The following SLC45A4 variants were observed in gnomAD, a reference collection of about 807,000 sequenced individuals.
SLC45A4 encodes solute carrier family 45 member 4, also known as polyamine-transporter SLC45A4.
A neutral mutation model predicts 63.7 loss-of-function variants in SLC45A4; 32 were observed. The ratio of observed to expected loss-of-function variants is 0.50; its 90% CI spans 0.38 to 0.67. The LOEUF (loss-of-function observed/expected upper bound fraction) is 0.67, where lower values mean the gene tolerates loss of function less well. Among genes scored for constraint, SLC45A4 ranks in the 30% least tolerant of loss-of-function variants. The pLI, the probability that SLC45A4 is intolerant of heterozygous loss-of-function variation, is 0.00. For missense variants in SLC45A4, 1,027 were observed against 1,157.7 expected (o/e 0.89, Z 1.64); for synonymous variants, 535 against 510.0 (o/e 1.05, Z -0.66).
chr8:141,212,308 C>T lies in SLC45A4; in HGVS notation c.2190G>A (p.Leu730=). ...TGCCTTCGCCGGCCAACGGGGAAGA[C>T]AGGCCTTTCTGCTCCTCCTTGGCCT... ...SEEAKEEQKG[L]SSPLAGEGRA... The change falls in exon 8 of 9, where the codon CTG becomes CTA. Residue 730 remains leucine, a synonymous_variant. Transcript: ENST00000517878. 1 of 1,610,542 alleles carries T rather than the reference C, an allele frequency of 6.2e-7. No individual in the cohort carries two copies. Among genetic ancestry groups the T allele is most frequent in the Non-Finnish European group, 8.5e-7 (1 of 1,177,740 alleles).
chr8:141,232,216 C>T (rs568745081), intron 2 of SLC45A4, among the ~76,000 whole-genome samples: 11 of 152,262 alleles, frequency 7.2e-5, no homozygotes, highest in Admixed American at 3.3e-4. Flanking sequence ...CACATGGGGC[C>T]GGGGAACCTC....
chr8:141,216,099 G>C (rs1199548827), intron 6 of SLC45A4, 129 bp from the exon 7 acceptor site: 6 of 827,756 alleles, frequency 7.2e-6, no homozygotes, highest in Non-Finnish European at 1.1e-5. Flanking sequence ...ACCCAGACCT[G>C]GTCAGGCAGG....
rs1010938412 is a variant in SLC45A4 at position 141,254,735 on chromosome 8, G to A, written c.-400-106C>T. ...AGCAAGCCGTGTGCCCCGAGGGCCC[G>A]ACCCAAGATCACACAGCTCTCTGCC... On this transcript the variant is annotated intron_variant, in intron 1 of 8. Transcript: ENST00000517878. The surrounding 1 kb of genome is among the most constrained non-coding windows in gnomAD (Gnocchi z 4.5). 41 of 683,708 alleles carry A rather than the reference G, an allele frequency of 6.0e-5. No individual in the cohort carries two copies. The highest frequency in any genetic ancestry group is 9.1e-5 in the Non-Finnish European group (34 of 373,510). 42.4% of individuals were successfully genotyped at this position (683,708 alleles called of 1,614,324 possible). A position where few individuals can be genotyped will look rare whatever the true frequency, so the allele number is the denominator to read the frequency against.
chr8:141,243,580 G>C (rs1446167648), intron 2 of SLC45A4, among the ~76,000 whole-genome samples: 1 of 152,166 alleles, frequency 6.6e-6, no homozygotes, highest in Non-Finnish European at 1.5e-5. Flanking sequence ...AGGAGGTCAA[G>C]GCTGCAGTGA....
At chr8:141,255,475 G>A (rs533783673) in intron 1 of SLC45A4, among the ~76,000 whole-genome samples, 5 of 152,192 alleles carry the variant, frequency 3.3e-5, no homozygotes, top group African/African-American at 1.2e-4. Flanking sequence ...CAGCACATTG[G>A]GGGGCTGAAG....
At chr8:141,274,312 T>C (rs1014817367) in intron 1 of SLC45A4, among the ~76,000 whole-genome samples, 3 of 151,784 alleles carry the variant, frequency 2.0e-5, no homozygotes, top group African/African-American at 7.3e-5. Context: ...GGCGGGTGGA[T>C]CACCCGAGGT....
At chr8:141,276,981 G>A (rs1829752336) in intron 1 of SLC45A4, among the ~76,000 whole-genome samples, 1 of 152,344 alleles carries the variant, frequency 6.6e-6, no homozygotes, top group Admixed American at 6.5e-5. Flanking sequence ...TCGGATGGCC[G>A]CCTGTGAGCC....
intron 2 of SLC45A4, among the ~76,000 whole-genome samples, chr8:141,241,975 C>T (rs542718689): frequency 2.9e-4 from 44 of 152,148 alleles, no homozygotes; most frequent in African/African-American, 8.9e-4. Context: ...TGGTGGCCTT[C>T]GCACGGACAG....
Position 141,254,471 on chromosome 8 carries a change from T to C in SLC45A4, c.-242A>G, listed in dbSNP as rs1569558844. 1.5e-6 allele frequency: 1 copy of C among 668,616 alleles called. No homozygotes were observed. The highest frequency in any genetic ancestry group is 2.7e-6 in the Non-Finnish European group (1 of 367,642). 41.4% of individuals were successfully genotyped at this position (668,616 alleles called of 1,614,324 possible). Reference sequence around the variant, plus strand: ...TTAAACATATGGCTTGCTGGTTTACTGTGAATTAGAGTTAAAAATCCATAA... The same window carrying C: ...TTAAACATATGGCTTGCTGGTTTACCGTGAATTAGAGTTAAAAATCCATAA... On this transcript the variant is annotated 5_prime_UTR_variant, in exon 2 of 9. Transcript: ENST00000517878. The surrounding 1 kb of genome is among the most constrained non-coding windows in gnomAD (Gnocchi z 4.5).
chr8:141,282,365 A>T (rs1485684104), intron 1 of SLC45A4, among the ~76,000 whole-genome samples: 3 of 152,214 alleles, frequency 2.0e-5, no homozygotes, highest in Non-Finnish European at 4.4e-5. Flanking sequence ...GCTCTGAACG[A>T]GCCTGAAGAA....
At chr8:141,306,021 A>AC (rs1157073058) in intron 1 of SLC45A4, among the ~76,000 whole-genome samples, 3 of 110,916 alleles carry the variant, frequency 2.7e-5, no homozygotes, top group Non-Finnish European at 3.8e-5. Flanking sequence ...CCCCTCCCCC[A>AC]CCCCCCTCCA....
rs1828692924 is a variant in SLC45A4 at position 141,254,829 on chromosome 8, G to A, written c.-400-200C>T. ...TAGAAAAACATTTTCTCATACGAAA[G>A]TGAATCCTGGGGAAGGACAAAGGTG... On this transcript the variant is annotated intron_variant, in intron 1 of 8. Coordinates refer to ENST00000517878, the MANE Select transcript of SLC45A4 (RefSeq NM_001286646.2). The surrounding 1 kb of genome is among the most constrained non-coding windows in gnomAD (Gnocchi z 4.5). The A allele has an allele frequency of 2.0e-6, 1 of 498,674 alleles. No individual in the cohort carries two copies. Among genetic ancestry groups the A allele is most frequent in the East Asian group, 4.6e-5 (1 of 21,692 alleles). 30.9% of individuals were successfully genotyped at this position (498,674 alleles called of 1,614,324 possible). A position where few individuals can be genotyped will look rare whatever the true frequency, so the allele number is the denominator to read the frequency against.
chr8:141,236,480 G>A (rs138875207), intron 2 of SLC45A4, among the ~76,000 whole-genome samples: 89 of 152,320 alleles, frequency 5.8e-4, no homozygotes, highest in Non-Finnish European at 1.0e-3. Flanking sequence ...GCACATCCAA[G>A]TCCATGCTTC....
rs1171737313 is a variant in SLC45A4 at position 141,218,042 on chromosome 8, A to G, written c.1598T>C (p.Met533Thr). 6.2e-7 allele frequency: 1 copy of G among 1,611,080 alleles called. No homozygotes were observed. ...IAEAVFYTDFMGQVIFEGDPK... is the reference protein window; with the variant it reads ...IAEAVFYTDFTGQVIFEGDPK... ...GTCGCCTTCGAAGATGACCTGGCCC[A>G]TGAAGTCGGTGTAGAACACGGCCTC... Residue 533 changes from methionine to threonine, a missense_variant, in exon 5 of 9, where the codon ATG (methionine) becomes ACG (threonine). By Grantham distance (81) the Met-to-Thr change is moderately conservative. Transcript: ENST00000517878.
intron 1 of SLC45A4, among the ~76,000 whole-genome samples, chr8:141,257,907 T>C (rs1204963056): frequency 6.6e-6 from 1 of 152,160 alleles, no homozygotes; most frequent in Non-Finnish European, 1.5e-5. Context: ...ACGGCTTTCT[T>C]TAAAAATGCT....
At chr8:141,266,780 AG>A (rs1319431570) in intron 1 of SLC45A4, among the ~76,000 whole-genome samples, 4 of 152,238 alleles carry the variant, frequency 2.6e-5, no homozygotes, top group Admixed American at 1.3e-4. Flanking sequence ...CTGGCTGGGC[AG>A]GAAGTGTGGG....
At chr8:141,226,183 G>C (rs1220979115) in intron 2 of SLC45A4, 1 of 152,318 alleles carries the variant, frequency 6.6e-6, no homozygotes, top group Non-Finnish European at 1.5e-5. Flanking sequence ...AGACACTGTG[G>C]GGCTTCCTTT....
chr8:141,294,623 G>A (rs7828326), intron 1 of SLC45A4, among the ~76,000 whole-genome samples: 17,130 of 152,276 alleles, frequency 0.11, 1,590 homozygotes, highest in East Asian at 0.43. Flanking sequence ...TGGCAGGAAC[G>A]GCTGTGAGCT....
At chr8:141,264,763 A>C (rs1464340083) in intron 1 of SLC45A4, among the ~76,000 whole-genome samples, 1 of 152,100 alleles carries the variant, frequency 6.6e-6, no homozygotes, top group Non-Finnish European at 1.5e-5. Flanking sequence ...TTTTCTCCTA[A>C]TTAACCTTTG....
Sources: allele counts gnomAD v4.1 joint callset (sites outside exome capture counted in the v4.1 genomes callset), GRCh38; gene constraint gnomAD v4.1.1; non-coding constraint Gnocchi (gnomAD v3.1); transcripts MANE v1.5; gene names NCBI Gene and HGNC (gene_info 2026-07-23, HGNC 2026-07-21).